Variants in EDN1 observed in about 807,000 individuals in gnomAD.
The protein encoded by EDN1 is endothelin-1.
EDN1 carries 11 observed loss-of-function variants against 21.7 expected under a neutral mutation model. The ratio of observed to expected loss-of-function variants is 0.51; its 90% CI spans 0.32 to 0.84. The LOEUF is 0.84. EDN1 is among the 40% of genes least tolerant of loss of function. The pLI, the probability that EDN1 is intolerant of heterozygous loss-of-function variation, is 0.03. For missense variants in EDN1, 244 were observed against 262.3 expected, an observed-to-expected ratio of 0.93 and a Z score of 0.48; for synonymous variants, 85 against 90.6, an observed-to-expected ratio of 0.94 and a Z score of 0.35.
the EDN1 span, among the ~76,000 whole-genome samples, chr6:12,231,731 T>G: frequency 6.9e-6 from 1 of 144,424 alleles, no homozygotes; most frequent in Admixed American, 7.1e-5. Flanking sequence ...AATAATATTC[T>G]TGTCTGATTT....
the EDN1 span, among the ~76,000 whole-genome samples, chr6:12,257,469 G>T: frequency 3.3e-5 from 5 of 152,160 alleles, no homozygotes; most frequent in East Asian, 5.8e-4. Context: ...TCTTTTACAT[G>T]CTTAATGAGG....
the EDN1 span, among the ~76,000 whole-genome samples, chr6:12,265,735 T>C: frequency 6.6e-6 from 1 of 152,218 alleles, no homozygotes; most frequent in African/African-American, 2.4e-5. Flanking sequence ...CAAATAACAA[T>C]GATGTCTTAG....
chr6:12,283,442 C>T, the EDN1 span, among the ~76,000 whole-genome samples: 2 of 151,900 alleles, frequency 1.3e-5, no homozygotes, highest in African/African-American at 2.4e-5. Context: ...TATCCAAGTC[C>T]AAAAGGAGAT....
the EDN1 span, among the ~76,000 whole-genome samples, chr6:12,239,924 A>C: frequency 1.3e-5 from 2 of 152,144 alleles, no homozygotes; most frequent in African/African-American, 4.8e-5. Flanking sequence ...AAAACAGAAA[A>C]GGAAAAAGAA....
the EDN1 span, among the ~76,000 whole-genome samples, chr6:12,231,588 C>G: frequency 6.6e-6 from 1 of 152,122 alleles, no homozygotes; most frequent in East Asian, 1.9e-4. Context: ...ATTTCAGTAG[C>G]TTTTTAGACA....
the EDN1 span, among the ~76,000 whole-genome samples, chr6:12,254,339 A>T: frequency 2.0e-5 from 3 of 152,070 alleles, no homozygotes; most frequent in African/African-American, 7.2e-5. Flanking sequence ...TTGAGTTTAG[A>T]CACCACTTCT....
the EDN1 span, among the ~76,000 whole-genome samples, chr6:12,230,921 T>A: frequency 1.3e-5 from 2 of 152,174 alleles, no homozygotes; most frequent in African/African-American, 4.8e-5. Context: ...GAGACTTTTT[T>A]GAAAATGATT....
the EDN1 span, among the ~76,000 whole-genome samples, chr6:12,242,260 G>A: frequency 2.0e-5 from 3 of 152,246 alleles, no homozygotes; most frequent in East Asian, 1.9e-4. Flanking sequence ...AATTTCTAAC[G>A]CAGGGAATGA....
At chr6:12,247,347 A>C in the EDN1 span, among the ~76,000 whole-genome samples, 7 of 152,044 alleles carry the variant, frequency 4.6e-5, no homozygotes, top group Admixed American at 4.6e-4. Context: ...TAAATGAGTA[A>C]CATGTTTCTG....
the EDN1 span, among the ~76,000 whole-genome samples, chr6:12,253,243 GGA>G: frequency 3.3e-5 from 5 of 152,082 alleles, no homozygotes; most frequent in Admixed American, 3.3e-4. Flanking sequence ...GTCAAAAAAG[GGA>G]GAGAGAAGAT....
chr6:12,266,809 C>T, the EDN1 span, among the ~76,000 whole-genome samples: 2 of 151,982 alleles, frequency 1.3e-5, no homozygotes, highest in South Asian at 4.2e-4. Context: ...GGTATTATGG[C>T]TGGAGTAGAA....
At chr6:12,294,189 CAG>C (rs1230904477) in intron 3 of EDN1, 70 bp from the exon 4 acceptor site, 1 of 1,613,126 alleles carries the variant, frequency 6.2e-7, no homozygotes, top group Non-Finnish European at 8.5e-7. Flanking sequence ...GAGAGACTAA[CAG>C]AGACATTGAA....
chr6:12,242,911 G>A, the EDN1 span, among the ~76,000 whole-genome samples: 1 of 152,094 alleles, frequency 6.6e-6, no homozygotes, highest in Non-Finnish European at 1.5e-5. Context: ...AAGGAGTTTT[G>A]TACCTACCCT....
chr6:12,253,997 C>A, the EDN1 span, among the ~76,000 whole-genome samples: 1 of 152,266 alleles, frequency 6.6e-6, no homozygotes, highest in East Asian at 1.9e-4. Flanking sequence ...CCTCAACCCT[C>A]TAACTGGTTC....
At chr6:12,284,840 A>G in the EDN1 span, among the ~76,000 whole-genome samples, 1 of 152,166 alleles carries the variant, frequency 6.6e-6, no homozygotes, top group Non-Finnish European at 1.5e-5. Flanking sequence ...CCTTCCCTCC[A>G]GAATTAGTTC....
chr6:12,251,108 T>A, the EDN1 span, among the ~76,000 whole-genome samples: 2 of 152,174 alleles, frequency 1.3e-5, no homozygotes, highest in Non-Finnish European at 2.9e-5. Context: ...GGGATACTGA[T>A]AAAGGATATA....
the EDN1 span, among the ~76,000 whole-genome samples, chr6:12,272,028 A>C: frequency 6.6e-6 from 1 of 152,232 alleles, no homozygotes; most frequent in Non-Finnish European, 1.5e-5. Flanking sequence ...TGACTAAGCT[A>C]GAAAGAGAGA....
Position 12,292,438 on chromosome 6 carries a change from C to T in EDN1, c.162C>T (p.Ser54=), listed in dbSNP as rs1320555550. ...PWRLRRSKRC[S]CSSLMDKECV... ...GGCTCCGCCGGTCCAAGCGCTGCTC[C>T]TGCTCGTCCCTGATGGATAAAGAGT... Residue 54 remains serine (S), a synonymous_variant, in exon 2 of 5, where the codon TCC becomes TCT. Coordinates refer to ENST00000379375, the MANE Select transcript of EDN1 (RefSeq NM_001955.5). The T allele has an allele frequency of 5.0e-6, 8 of 1,614,278 alleles. No homozygotes were observed. The South Asian group carries it at 7.7e-5, about 16-fold the overall frequency.
At chr6:12,272,756 T>C in the EDN1 span, among the ~76,000 whole-genome samples, 2 of 152,112 alleles carry the variant, frequency 1.3e-5, no homozygotes, top group African/African-American at 4.8e-5. Flanking sequence ...CATGGGCCAC[T>C]GCGCCCAGCT....
Sources: gnomAD v4.1 joint callset for allele counts (sites outside exome capture counted in the v4.1 genomes callset) on GRCh38, gnomAD v4.1.1 for gene constraint, MANE v1.5 for transcripts, NCBI Gene and HGNC (gene_info 2026-07-23, HGNC 2026-07-21) for gene names.